Variants in TEKT5 observed in about 807,000 individuals in gnomAD.
TEKT5 encodes the protein tektin 5.
Under a neutral mutation model 48.7 loss-of-function variants are expected in TEKT5, and 52 were observed. The observed-to-expected ratio is 1.07, with a 90% CI of 0.86 to 1.35. The LOEUF (loss-of-function observed/expected upper bound fraction) is 1.35, where lower values mean the gene tolerates loss of function less well. Among genes scored for constraint, TEKT5 ranks in the 40% most tolerant of loss-of-function variants. The pLI is 0.00. For synonymous variants in TEKT5, 318 were observed against 267.6 expected (o/e 1.19, Z -1.84); for missense variants, 831 against 641.6 (o/e 1.30, Z -3.19).
At chr16:10,674,283 C>G (rs974687325) in intron 5 of TEKT5, among the ~76,000 whole-genome samples, 5 of 152,094 alleles carry the variant, frequency 3.3e-5, no homozygotes, top group African/African-American at 9.7e-5. Context: ...ATGAGAATAT[C>G]TGGCTCACCC....
intron 4 of TEKT5, among the ~76,000 whole-genome samples, chr16:10,677,528 T>A (rs1194768222): frequency 6.9e-6 from 1 of 144,766 alleles, no homozygotes; most frequent in Non-Finnish European, 1.5e-5. Flanking sequence ...GAGAATCACT[T>A]GAACTGGGAG....
intron 5 of TEKT5, among the ~76,000 whole-genome samples, chr16:10,661,812 CCT>C (rs1898376369): frequency 6.6e-6 from 1 of 152,182 alleles, no homozygotes; most frequent in Non-Finnish European, 1.5e-5. Context: ...AATCACCAAA[CCT>C]CTGTGAGCCT....
At chr16:10,656,397 G>A (rs780148539) in intron 5 of TEKT5, among the ~76,000 whole-genome samples, 64 of 152,128 alleles carry the variant, frequency 4.2e-4, no homozygotes, top group Middle Eastern at 3.4e-3. Context: ...GACTACAGGC[G>A]TGTGCCACCA....
chr16:10,657,350 A>G (rs1210126803), intron 5 of TEKT5, among the ~76,000 whole-genome samples: 1 of 151,292 alleles, frequency 6.6e-6, no homozygotes, highest in Non-Finnish European at 1.5e-5. Flanking sequence ...CTGGTCTCGA[A>G]CTCCCGACCT....
At position 10,682,750 on chromosome 16, in the gene TEKT5, C is replaced by T. The variant is rs542144829; in HGVS notation, c.720-614G>A. 3.3e-5 allele frequency among the ~76,000 whole-genome samples: 5 copies of T among 152,282 alleles called. No individual in the cohort carries two copies. In the South Asian group the frequency reaches 1.0e-3, roughly 32 times the overall value. On this transcript the variant is annotated intron_variant, in intron 3 of 6. Coordinates refer to ENST00000283025, the MANE Select transcript of TEKT5 (RefSeq NM_144674.2). ...CTACTCAACTGTGCACGAGAGCAGT[C>T]GCAGATATGTAAAAATCCATGTGGC...
intron 5 of TEKT5, among the ~76,000 whole-genome samples, chr16:10,666,358 T>C (rs1898456477): frequency 6.6e-6 from 1 of 152,022 alleles, no homozygotes; most frequent in African/African-American, 2.4e-5. Context: ...CTGGAATTCC[T>C]TTAAAACAAG....
At chr16:10,679,112 C>T (rs1898700697) in intron 4 of TEKT5, among the ~76,000 whole-genome samples, 1 of 152,164 alleles carries the variant, frequency 6.6e-6, no homozygotes, top group South Asian at 2.1e-4. Flanking sequence ...TACCAACCCC[C>T]AGGGTTGCTG....
At chr16:10,690,637 GTGGAGGGACAGTT>G (rs1898955494) in intron 1 of TEKT5, 1 of 985,310 alleles carries the variant, frequency 1.0e-6, no homozygotes, top group African/African-American at 1.7e-5. Context: ...AGATCTCCCA[GTGGAGGGACAGTT>G]TGGGGAAGTG....
intron 5 of TEKT5, among the ~76,000 whole-genome samples, chr16:10,654,748 G>A (rs2142279388): frequency 6.6e-6 from 1 of 152,242 alleles, no homozygotes; most frequent in East Asian, 1.9e-4. Context: ...CCAGCATGCA[G>A]ACCACAGGTT....
intron 5 of TEKT5, among the ~76,000 whole-genome samples, chr16:10,652,870 C>A (rs1898191670): frequency 1.1e-5 from 1 of 88,704 alleles, no homozygotes; most frequent in Non-Finnish European, 2.2e-5. Flanking sequence ...CACACACACA[C>A]CCTCCAGGTC....
At position 10,694,809 on chromosome 16, in the gene TEKT5, G is replaced by A. The variant is rs1029331006; in HGVS notation, c.65C>T (p.Thr22Ile). 1.9e-5 allele frequency: 31 copies of A among 1,609,600 alleles called. No homozygotes were observed. Among genetic ancestry groups the A allele is most frequent in the Non-Finnish European group, 2.5e-5 (29 of 1,178,000 alleles). The change falls in exon 1 of 7, where the codon ACC (threonine) becomes ATC (isoleucine). Residue 22 changes from threonine (T) to isoleucine (I), a missense_variant. Coordinates refer to ENST00000283025, the MANE Select transcript of TEKT5 (RefSeq NM_144674.2). ...TGGCGCCTGTACAGCTGGCAGTGAGGTCAAGCCACAGCATTTCTTGGGACC... is the reference window on the plus strand; with the variant it reads ...TGGCGCCTGTACAGCTGGCAGTGAGATCAAGCCACAGCATTTCTTGGGACC... ...YCGPKKCCGL[T>I]SLPAVQAPVI...
intron 1 of TEKT5, chr16:10,692,872 T>G (rs926675957): frequency 6.6e-6 from 1 of 152,272 alleles, no homozygotes; most frequent in African/African-American, 2.4e-5. Flanking sequence ...GAGAGGAGCC[T>G]GGGTCCCTTC....
At chr16:10,674,843 G>C (rs1391013647) in intron 5 of TEKT5, among the ~76,000 whole-genome samples, 1 of 144,508 alleles carries the variant, frequency 6.9e-6, no homozygotes, top group Non-Finnish European at 1.5e-5. Flanking sequence ...TTTTTTTCTT[G>C]ATACGGGGTC....
Position 10,694,449 on chromosome 16 carries a change from C to A in TEKT5, c.425G>T (p.Gly142Val). ...GAAGCCAATGTCCGACAGCCTCTGG[C>A]CCAGGTTCCGGCAGGTGCCCTCCTG... ...QMQEGTCRNL[G>V]QRLSDIGFWK... Residue 142 changes from glycine (G) to valine (V), a missense_variant, in exon 1 of 7, where the codon GGC (glycine) becomes GTC (valine). Transcript: ENST00000283025. 1 of 1,614,192 alleles carries A rather than the reference C, an allele frequency of 6.2e-7. No individual in the cohort carries two copies. Among genetic ancestry groups the A allele is most frequent in the Non-Finnish European group, 8.5e-7 (1 of 1,180,034 alleles).
intron 6 of TEKT5, among the ~76,000 whole-genome samples, chr16:10,634,626 T>C (rs1897887502): frequency 2.0e-5 from 3 of 152,130 alleles, no homozygotes; most frequent in Admixed American, 2.0e-4. Context: ...AAGAAGAGCA[T>C]GCAGAAAGAG....
At chr16:10,653,217 T>G (rs1898199306) in intron 5 of TEKT5, among the ~76,000 whole-genome samples, 1 of 152,154 alleles carries the variant, frequency 6.6e-6, no homozygotes, top group Non-Finnish European at 1.5e-5. Context: ...GCATCCTGGG[T>G]CTGGCAGCCA....
chr16:10,643,896 G>T (rs1177405724), intron 5 of TEKT5, among the ~76,000 whole-genome samples: 1 of 151,984 alleles, frequency 6.6e-6, no homozygotes, highest in Non-Finnish European at 1.5e-5. Flanking sequence ...AAAAAAATTA[G>T]CCAGATGTGG....
At chr16:10,660,903 G>A (rs1415460451) in intron 5 of TEKT5, among the ~76,000 whole-genome samples, 1 of 152,162 alleles carries the variant, frequency 6.6e-6, no homozygotes, top group African/African-American at 2.4e-5. Flanking sequence ...GTTTCGCCAT[G>A]TTGGCCAGGC....
intron 5 of TEKT5, among the ~76,000 whole-genome samples, chr16:10,647,879 G>C (rs1898095525): frequency 6.6e-6 from 1 of 152,210 alleles, no homozygotes; most frequent in Admixed American, 6.5e-5. Context: ...CTAGGCAGTG[G>C]ATCCGAGTAA....
Sources: gnomAD v4.1 joint callset for allele counts (sites outside exome capture counted in the v4.1 genomes callset) on GRCh38, gnomAD v4.1.1 for gene constraint, MANE v1.5 for transcripts, NCBI Gene and HGNC (gene_info 2026-07-23, HGNC 2026-07-21) for gene names.